The following CCDC171 variants were observed in gnomAD, a reference collection of about 807,000 sequenced individuals.
The protein encoded by CCDC171 is coiled-coil domain-containing protein 171.
CCDC171 carries 177 observed loss-of-function variants against 168.2 expected under a neutral mutation model. The ratio of observed to expected loss-of-function variants is 1.05; its 90% CI spans 0.93 to 1.19. CCDC171 has a LOEUF of 1.19. CCDC171 is among the 50% of genes most tolerant of loss of function. The probability of loss-of-function intolerance (pLI) is 0.00; values close to 1 mark genes in which losing one functional copy is unlikely to be tolerated. For missense variants in CCDC171, 1,991 were observed against 1,539.0 expected (o/e 1.29, Z -4.91); for synonymous variants, 687 against 540.8 (o/e 1.27, Z -3.75).
At chr9:15,859,146 A>G (rs1490606765) in intron 23 of CCDC171, among the ~76,000 whole-genome samples, 1 of 152,030 alleles carries the variant, frequency 6.6e-6, no homozygotes, top group Non-Finnish European at 1.5e-5. Flanking sequence ...GCATCTATTG[A>G]TTGTGTGAAT....
chr9:16,056,631 G>C (rs868662131), intron 1 of CCDC171, among the ~76,000 whole-genome samples: 6 of 152,040 alleles, frequency 3.9e-5, no homozygotes, highest in African/African-American at 7.3e-5. Flanking sequence ...GGGACTACAG[G>C]GGTGCACCAC....
At chr9:15,609,929 A>C (rs2043525780) in intron 6 of CCDC171, among the ~76,000 whole-genome samples, 1 of 152,120 alleles carries the variant, frequency 6.6e-6, no homozygotes, top group Non-Finnish European at 1.5e-5. Flanking sequence ...TTTGACATAA[A>C]GTTGACATCC....
chr9:15,803,880 A>G (rs1361921663), intron 21 of CCDC171, among the ~76,000 whole-genome samples: 3 of 151,848 alleles, frequency 2.0e-5, no homozygotes, highest in South Asian at 2.1e-4. Flanking sequence ...CACAATATTG[A>G]TTTTTCCTAT....
chr9:16,075,048 T>C, the CCDC171 span, among the ~76,000 whole-genome samples: 136 of 152,352 alleles, frequency 8.9e-4, 2 homozygotes, highest in East Asian at 0.023. Context: ...ATTTCAATGA[T>C]GGTTACATGG....
chr9:15,798,150 T>G (rs992456812), intron 21 of CCDC171, among the ~76,000 whole-genome samples: 4 of 152,202 alleles, frequency 2.6e-5, no homozygotes, highest in Admixed American at 6.5e-5. Flanking sequence ...TGAATTTCTA[T>G]ACAAGTTTTA....
At chr9:15,585,461 G>C (rs2041481924) in intron 4 of CCDC171, among the ~76,000 whole-genome samples, 1 of 152,146 alleles carries the variant, frequency 6.6e-6, no homozygotes, top group Non-Finnish European at 1.5e-5. Context: ...AACATGCTTA[G>C]TGAGAGAAAC....
intron 25 of CCDC171, among the ~76,000 whole-genome samples, chr9:15,947,480 A>G (rs1226641626): frequency 1.3e-5 from 2 of 151,960 alleles, no homozygotes; most frequent in African/African-American, 2.4e-5. Context: ...GGCCTATTTC[A>G]CTTAGCATAA....
In CCDC171 at chr9:15,563,139, C is replaced by CTT. The variant is rs570575976; in HGVS notation, c.-111-824_-111-823dup. Among the ~76,000 whole-genome samples, 120 of 136,748 alleles carry CTT rather than the reference C, an allele frequency of 8.8e-4. 1 individual carries two copies. The highest frequency in any genetic ancestry group is 2.9e-3 in the African/African-American group (110 of 37,460). 89.7% of individuals were successfully genotyped at this position (136,748 alleles called of 152,430 possible). ...ACTATGTGACTTTTTCAAGTTACTT[C>CTT]TTTTTTTTTTTTTTTTGACACGGAG... On this transcript the variant is annotated intron_variant, in intron 1 of 25. Transcript: ENST00000380701.
chr9:15,771,364 C>A (rs951773301), intron 18 of CCDC171, among the ~76,000 whole-genome samples: 6 of 152,126 alleles, frequency 3.9e-5, no homozygotes, highest in Non-Finnish European at 7.4e-5. Flanking sequence ...TTTTGATAAT[C>A]TCTTTGACCT....
chr9:16,019,560 G>A lies in CCDC171; in HGVS notation n.369-1029G>A, dbSNP rs188824560. 2.2e-3 allele frequency among the ~76,000 whole-genome samples: 330 copies of A among 149,484 alleles called. 3 individuals are homozygous for A. Among genetic ancestry groups the A allele is most frequent in the Non-Finnish European group, 4.1e-3 (273 of 67,204 alleles). On this transcript the variant is annotated intron_variant and non_coding_transcript_variant, in intron 3 of 9. Coordinates refer to the CCDC171 transcript ENST00000486641. ...TGGGTTTAGATAAGGGGTGGTGGGG[G>A]TGAAAGAGATTGAGAGGGAGAGACA...
chr9:15,564,197 GGTT>G, intron 2 of CCDC171, 68 bp downstream of exon 2: 1 of 1,175,424 alleles, frequency 8.5e-7, no homozygotes, highest in Non-Finnish European at 1.2e-6. Context: ...AGAAGTCAGT[GGTT>G]GTAGAGCTAA....
the CCDC171 span, among the ~76,000 whole-genome samples, chr9:16,086,027 TC>T: frequency 9.2e-6 from 1 of 109,052 alleles, no homozygotes; most frequent in South Asian, 2.9e-4. Context: ...TGGAATAGTT[TC>T]ACCAGCTCCT....
Position 15,820,363 on chromosome 9 carries a change from A to G in CCDC171, c.3268-26339A>G, listed in dbSNP as rs990206361. On this transcript the variant is annotated intron_variant, in intron 21 of 25. Coordinates refer to ENST00000380701, the MANE Select transcript of CCDC171 (RefSeq NM_173550.4). ...ATCAGAGCAGAACTGAAGGAAATAG[A>G]GGCACAAAAAACCCTTCAAAAAATC... is the stretch of plus-strand genomic sequence containing the variant. 2.4e-4 allele frequency among the ~76,000 whole-genome samples: 28 copies of G among 116,346 alleles called. 6 individuals carry two copies. Among genetic ancestry groups the G allele is most frequent in the African/African-American group, 8.1e-4 (25 of 30,782 alleles). 76.3% of individuals were successfully genotyped at this position (116,346 alleles called of 152,430 possible). A position where few individuals can be genotyped will look rare whatever the true frequency, so the allele number is the denominator to read the frequency against.
At chr9:15,670,895 C>T (rs1433266967) in intron 9 of CCDC171, among the ~76,000 whole-genome samples, 1 of 152,052 alleles carries the variant, frequency 6.6e-6, no homozygotes, top group Non-Finnish European at 1.5e-5. Context: ...GTAATCCCAG[C>T]ACTTTGGGAG....
At chr9:15,618,291 C>G (rs970120628) in intron 6 of CCDC171, among the ~76,000 whole-genome samples, 1 of 152,172 alleles carries the variant, frequency 6.6e-6, no homozygotes, top group Non-Finnish European at 1.5e-5. Flanking sequence ...TGTGCCCAGT[C>G]CAAACCTCCC....
At chr9:15,751,238 C>T (rs1010403259) in intron 18 of CCDC171, among the ~76,000 whole-genome samples, 1 of 152,170 alleles carries the variant, frequency 6.6e-6, no homozygotes, top group South Asian at 2.1e-4. Context: ...TGAAGGACCT[C>T]TTCAAGGAGA....
Position 15,613,084 on chromosome 9 carries a change from A to C in CCDC171, c.676-10183A>C, listed in dbSNP as rs559039277. On this transcript the variant is annotated intron_variant, in intron 6 of 25. Coordinates refer to ENST00000380701, the MANE Select transcript of CCDC171 (RefSeq NM_173550.4). The stretch of plus-strand genomic sequence containing the variant: ...TCTTGGGTATATACTCAGTATTAGA[A>C]TTTCTGGGTCAAATAGTAACTTTAT... Among the ~76,000 whole-genome samples the C allele has an allele frequency of 1.6e-4, 25 of 152,308 alleles. No individual in the cohort carries two copies. The South Asian group carries it at 4.8e-3, about 29-fold the overall frequency.
rs557700277 is a variant in CCDC171, at chr9:15,609,124, G to A, written c.676-14143G>A. ...AAAATTTTTTTTTTTTTTGGACACG[G>A]AGTCTCGCTCTGTCATCTAGGCTGG... On this transcript the variant is annotated intron_variant, in intron 6 of 25. Coordinates refer to ENST00000380701, the MANE Select transcript of CCDC171 (RefSeq NM_173550.4). Among the ~76,000 whole-genome samples the A allele has an allele frequency of 1.4e-3, 212 of 150,788 alleles. 1 individual carries two copies. Among genetic ancestry groups the A allele is most frequent in the African/African-American group, 4.4e-3 (182 of 41,130 alleles).
chr9:15,904,829 C>T (rs1220548187), intron 24 of CCDC171, among the ~76,000 whole-genome samples: 5 of 151,666 alleles, frequency 3.3e-5, no homozygotes, highest in African/African-American at 1.2e-4. Context: ...GGAGGAAGAT[C>T]TACCAAGCAA....
Sources: allele counts gnomAD v4.1 joint callset (sites outside exome capture counted in the v4.1 genomes callset), GRCh38; gene constraint gnomAD v4.1.1; transcripts MANE v1.5; gene names NCBI Gene and HGNC (gene_info 2026-07-23, HGNC 2026-07-21).